The following DNAJC12 variants were observed in gnomAD, a reference collection of about 807,000 sequenced individuals.
DNAJC12 encodes the protein DnaJ heat shock protein family (Hsp40) member C12.
DNAJC12 carries 25 observed loss-of-function variants against 28.5 expected under a neutral mutation model. The ratio of observed to expected loss-of-function variants is 0.88; its 90% confidence interval spans 0.64 to 1.22. The LOEUF (loss-of-function observed/expected upper bound fraction) is 1.22. Ranked by LOEUF, DNAJC12 falls within the 50% of genes most tolerant of loss-of-function variation. The probability of loss-of-function intolerance (pLI) is 0.00; values close to 1 mark genes in which losing one functional copy is unlikely to be tolerated. For synonymous variants in DNAJC12, 77 were observed against 80.6 expected (o/e 0.95, Z 0.24); for missense variants, 222 against 231.7 (o/e 0.96, Z 0.27).
intron 3 of DNAJC12, among the ~76,000 whole-genome samples, chr10:67,806,012 C>A (rs1351625922): frequency 1.3e-5 from 2 of 151,968 alleles, no homozygotes; most frequent in African/African-American, 4.8e-5. Context: ...TTTTCATTTT[C>A]TGTTCTGTAT....
intron 1 of DNAJC12, among the ~76,000 whole-genome samples, chr10:67,834,630 C>T (rs971662339): frequency 3.3e-5 from 5 of 152,150 alleles, no homozygotes; most frequent in Non-Finnish European, 5.9e-5. Flanking sequence ...GAGTTCAAGG[C>T]CAGCCTGGAC....
intron 4 of DNAJC12, among the ~76,000 whole-genome samples, chr10:67,803,387 T>C (rs1841767635): frequency 2.0e-5 from 3 of 152,156 alleles, no homozygotes; most frequent in Non-Finnish European, 2.9e-5. Context: ...TGTGTTAGCA[T>C]AGAGAATAGT....
intron 3 of DNAJC12, among the ~76,000 whole-genome samples, chr10:67,809,076 G>A (rs1378536561): frequency 1.3e-5 from 2 of 152,210 alleles, no homozygotes; most frequent in Non-Finnish European, 2.9e-5. Context: ...TTTGTCAAAT[G>A]ATCAATTCAC....
intron 1 of DNAJC12, among the ~76,000 whole-genome samples, chr10:67,833,070 T>C (rs1034046994): frequency 6.6e-6 from 1 of 152,130 alleles, no homozygotes; most frequent in African/African-American, 2.4e-5. Context: ...ACAAAGAAGG[T>C]AGAAGAAAGC....
intron 2 of DNAJC12, chr10:67,816,103 C>T: frequency 5.0e-6 from 2 of 398,358 alleles, no homozygotes. Context: ...GGAAGTCTTG[C>T]GAGACATTCT....
Position 67,805,772 on chromosome 10 carries a change from C to A in DNAJC12, c.313G>T (p.Val105Phe). ...AGCATCAGGTCTTTTTTACCTCTGA[C>A]AACCCAGTGCATTGACTAAATTAAT... ...DSVKTSMHWV[V>F]RGKKDLMLEE... is the part of the protein sequence containing the mutation. Residue 105 changes from valine (V) to phenylalanine (F), a missense_variant, in exon 4 of 5, where the codon GTC (valine) becomes TTC (phenylalanine). Physicochemically the swap from Val to Phe is conservative, Grantham distance 50 (BLOSUM62 -1). Transcript: ENST00000225171. The A allele has an allele frequency of 6.3e-7, 1 of 1,595,690 alleles. No homozygotes were observed. The highest frequency in any genetic ancestry group is 8.5e-7 in the Non-Finnish European group (1 of 1,175,050).
At chr10:67,818,805 G>A (rs1258763911) in intron 2 of DNAJC12, among the ~76,000 whole-genome samples, 2 of 151,970 alleles carry the variant, frequency 1.3e-5, no homozygotes, top group Admixed American at 6.5e-5. Context: ...ACAGGCATGT[G>A]CCACCACGCC....
intron 1 of DNAJC12, among the ~76,000 whole-genome samples, chr10:67,826,669 CATT>C (rs1253069242): frequency 8.3e-6 from 1 of 120,730 alleles, no homozygotes; most frequent in African/African-American, 3.2e-5. Context: ...TTATATATAT[CATT>C]ATATATAAGA....
chr10:67,815,439 TGGA>T (rs948242958), intron 2 of DNAJC12, among the ~76,000 whole-genome samples: 2 of 130,194 alleles, frequency 1.5e-5, no homozygotes, highest in Non-Finnish European at 1.5e-5. Flanking sequence ...ACCCAGGAGG[TGGA>T]GGTTTCGGTG....
intron 2 of DNAJC12, among the ~76,000 whole-genome samples, chr10:67,822,333 T>C (rs920679401): frequency 2.0e-5 from 3 of 152,132 alleles, no homozygotes; most frequent in Non-Finnish European, 1.5e-5. Context: ...CAGGGCCAAA[T>C]TGTGATGCAA....
chr10:67,806,039 A>T (rs1841797379), intron 3 of DNAJC12, among the ~76,000 whole-genome samples: 1 of 152,096 alleles, frequency 6.6e-6, no homozygotes, highest in African/African-American at 2.4e-5. Flanking sequence ...TTCCTATTAG[A>T]TCTAAAAATT....
chr10:67,800,534 T>C (rs1261522086), intron 4 of DNAJC12, among the ~76,000 whole-genome samples: 1 of 152,224 alleles, frequency 6.6e-6, no homozygotes, highest in Admixed American at 6.5e-5. Flanking sequence ...TAGGCTCCAT[T>C]GCCAGAGCAA....
At chr10:67,824,619 A>T (rs1187359957) in intron 1 of DNAJC12, among the ~76,000 whole-genome samples, 1 of 152,168 alleles carries the variant, frequency 6.6e-6, no homozygotes, top group Non-Finnish European at 1.5e-5. Flanking sequence ...TATTATCATG[A>T]ATTATTAAGA....
At chr10:67,813,074 G>A (rs1040065525) in intron 2 of DNAJC12, among the ~76,000 whole-genome samples, 1 of 151,932 alleles carries the variant, frequency 6.6e-6, no homozygotes, top group African/African-American at 2.4e-5. Context: ...CAAAATGATA[G>A]TATTAGGAGA....
chr10:67,833,075 GA>G (rs1842109164), intron 1 of DNAJC12, among the ~76,000 whole-genome samples: 1 of 152,332 alleles, frequency 6.6e-6, no homozygotes, highest in Non-Finnish European at 1.5e-5. Flanking sequence ...GAAGGTAGAA[GA>G]AAGCATCAGA....
intron 4 of DNAJC12, among the ~76,000 whole-genome samples, chr10:67,803,403 G>A (rs924441409): frequency 1.1e-4 from 17 of 152,196 alleles, no homozygotes; most frequent in Non-Finnish European, 2.1e-4. Flanking sequence ...ATAGTGGAAG[G>A]AAACACACCT....
chr10:67,805,803 G>A lies in DNAJC12; in HGVS notation c.298-16C>T, dbSNP rs774551801. On this transcript the variant is annotated splice_polypyrimidine_tract_variant and intron_variant, in intron 3 of 4. Coordinates refer to ENST00000225171, the MANE Select transcript of DNAJC12 (RefSeq NM_021800.3). ...AGTGCATTGACTAAATTAATGTAAAGCAGAGATATAAAAATTAAATTGATA... is the reference window on the plus strand; with the variant it reads ...AGTGCATTGACTAAATTAATGTAAAACAGAGATATAAAAATTAAATTGATA... 7 of 1,524,596 alleles carry A rather than the reference G, an allele frequency of 4.6e-6. No individual in the cohort carries two copies. The African/African-American group carries it at 9.8e-5, about 21-fold the overall frequency. 94.4% of individuals were successfully genotyped at this position (1,524,596 alleles called of 1,614,324 possible). A position where few individuals can be genotyped will look rare whatever the true frequency, so the allele number is the denominator to read the frequency against.
At chr10:67,830,855 G>A (rs574922928) in intron 1 of DNAJC12, among the ~76,000 whole-genome samples, 64 of 152,154 alleles carry the variant, frequency 4.2e-4, no homozygotes, top group African/African-American at 1.5e-3. Context: ...CTGAACCCAT[G>A]CAGTCTGACT....
intron 1 of DNAJC12, among the ~76,000 whole-genome samples, chr10:67,824,344 A>G (rs1054142743): frequency 6.6e-6 from 1 of 152,102 alleles, no homozygotes; most frequent in African/African-American, 2.4e-5. Flanking sequence ...ACCATTACTC[A>G]AGGATAACTG....
Sources: allele counts gnomAD v4.1 joint callset (sites outside exome capture counted in the v4.1 genomes callset), GRCh38; gene constraint gnomAD v4.1.1; transcripts MANE v1.5; gene names NCBI Gene and HGNC (gene_info 2026-07-23, HGNC 2026-07-21).